The following RALYL variants were observed in gnomAD, a reference collection of about 807,000 sequenced individuals.
RALYL encodes the protein RALY RNA binding protein like.
A neutral mutation model predicts 35.1 loss-of-function variants in RALYL; 29 were observed. That is an observed-to-expected ratio of 0.83 (90% CI 0.61 to 1.13). RALYL has a LOEUF of 1.13. Ranked by LOEUF, RALYL falls within the 50% of genes most tolerant of loss-of-function variation. The pLI, the probability that RALYL is intolerant of heterozygous loss-of-function variation, is 0.00. For synonymous variants in RALYL, 120 were observed against 127.6 expected (o/e 0.94, Z 0.40); for missense variants, 359 against 360.4 (o/e 1.00, Z 0.03).
At chr8:84,813,283 C>A (rs1826335787) in intron 4 of RALYL, among the ~76,000 whole-genome samples, 1 of 152,174 alleles carries the variant, frequency 6.6e-6, no homozygotes, top group Admixed American at 6.5e-5. Context: ...CTGGGTCCTG[C>A]AGGAGCACTC....
intron 3 of RALYL, among the ~76,000 whole-genome samples, chr8:84,784,423 AT>A (rs1172833061): frequency 6.6e-6 from 1 of 152,186 alleles, no homozygotes; most frequent in Non-Finnish European, 1.5e-5. Context: ...AATGTGAATG[AT>A]TTTTTAAAGA....
intron 4 of RALYL, among the ~76,000 whole-genome samples, chr8:84,831,323 CGTG>C (rs1009788244): frequency 6.6e-6 from 1 of 151,952 alleles, no homozygotes; most frequent in Non-Finnish European, 1.5e-5. Flanking sequence ...TGAAGATAAT[CGTG>C]GAGAATTTTT....
intron 2 of RALYL, among the ~76,000 whole-genome samples, chr8:84,704,487 A>T (rs1043183877): frequency 6.7e-6 from 1 of 150,016 alleles, no homozygotes; most frequent in African/African-American, 2.5e-5. Context: ...ACACACAACA[A>T]CTCATTTATT....
At chr8:84,785,850 A>C (rs1309531535) in intron 3 of RALYL, among the ~76,000 whole-genome samples, 1 of 152,214 alleles carries the variant, frequency 6.6e-6, no homozygotes, top group East Asian at 1.9e-4. Flanking sequence ...AAGTTCTGGG[A>C]TACATGTACA....
At chr8:84,883,237 A>G (rs1468095939) in intron 7 of RALYL, among the ~76,000 whole-genome samples, 1 of 152,040 alleles carries the variant, frequency 6.6e-6, no homozygotes, top group Non-Finnish European at 1.5e-5. Context: ...TTTGCAATGA[A>G]CTGTATTAAT....
At chr8:84,438,538 G>A (rs1453085576) in intron 1 of RALYL, among the ~76,000 whole-genome samples, 1 of 151,956 alleles carries the variant, frequency 6.6e-6, no homozygotes, top group Admixed American at 6.6e-5. Flanking sequence ...ACAGGCATAG[G>A]CCATCTCAAT....
At chr8:84,322,718 A>G (rs1305884385) in intron 1 of RALYL, among the ~76,000 whole-genome samples, 1 of 152,000 alleles carries the variant, frequency 6.6e-6, no homozygotes, top group Non-Finnish European at 1.5e-5. Flanking sequence ...TTAGAGAGTG[A>G]CCAGTGCCTG....
intron 2 of RALYL, among the ~76,000 whole-genome samples, chr8:84,683,922 A>C (rs773349625): frequency 1.3e-5 from 2 of 151,872 alleles, no homozygotes; most frequent in Admixed American, 1.3e-4. Context: ...CCGATCAGGA[A>C]CTCTCGATCC....
At chr8:84,877,313 C>G (rs796553517) in intron 7 of RALYL, among the ~76,000 whole-genome samples, 1 of 151,912 alleles carries the variant, frequency 6.6e-6, no homozygotes, top group Non-Finnish European at 1.5e-5. Context: ...ATGGTGAAAC[C>G]CTGTCTCTAC....
At chr8:84,533,116 A>G (rs1472704551) in intron 2 of RALYL, among the ~76,000 whole-genome samples, 6 of 152,128 alleles carry the variant, frequency 3.9e-5, no homozygotes, top group Non-Finnish European at 7.4e-5. Context: ...AAATCCTCAT[A>G]AAACTTTACG....
At chr8:84,452,666 G>A (rs2133219089) in intron 1 of RALYL, among the ~76,000 whole-genome samples, 1 of 152,044 alleles carries the variant, frequency 6.6e-6, no homozygotes, top group African/African-American at 2.4e-5. Flanking sequence ...TTTTTAAAGA[G>A]TTAAGGAAAT....
At chr8:84,720,385 A>G (rs1843669388) in intron 2 of RALYL, among the ~76,000 whole-genome samples, 1 of 152,192 alleles carries the variant, frequency 6.6e-6, no homozygotes, top group South Asian at 2.1e-4. Flanking sequence ...CAAAAATGTC[A>G]AGAACATGTA....
chr8:84,685,789 G>C (rs1245967619), intron 2 of RALYL, among the ~76,000 whole-genome samples: 1 of 152,130 alleles, frequency 6.6e-6, no homozygotes, highest in Non-Finnish European at 1.5e-5. Flanking sequence ...TGTGTGAATA[G>C]TTAAGAAACA....
At chr8:84,738,652 C>A (rs1847751467) in intron 2 of RALYL, among the ~76,000 whole-genome samples, 1 of 151,982 alleles carries the variant, frequency 6.6e-6, no homozygotes, top group African/African-American at 2.4e-5. Context: ...TCAACATGAG[C>A]ATCATAGATA....
chr8:84,563,684 C>G (rs1188172638), intron 2 of RALYL, among the ~76,000 whole-genome samples: 3 of 151,512 alleles, frequency 2.0e-5, no homozygotes, highest in Non-Finnish European at 3.0e-5. Flanking sequence ...TTTCCTTACA[C>G]TGTGGTTAAA....
At chr8:84,534,349 T>A (rs866707669) in intron 2 of RALYL, among the ~76,000 whole-genome samples, 7 of 152,256 alleles carry the variant, frequency 4.6e-5, no homozygotes, top group Non-Finnish European at 8.8e-5. Flanking sequence ...ATTTCAGTAC[T>A]TTAGTGAAAC....
chr8:84,679,913 C>G (rs1439469719), intron 2 of RALYL: 6 of 327,468 alleles, frequency 1.8e-5, no homozygotes, highest in Non-Finnish European at 3.0e-5. Context: ...AGGTTTGTTA[C>G]ATGTATATAC....
At chr8:84,604,103 A>C (rs184920521) in intron 2 of RALYL, among the ~76,000 whole-genome samples, 270 of 152,234 alleles carry the variant, frequency 1.8e-3, no homozygotes, top group Non-Finnish European at 3.2e-3. Context: ...ACCAATTAAA[A>C]ATGAATGGAT....
At position 84,712,834 on chromosome 8, in the gene RALYL, T is replaced by C. The variant is rs185011279; in HGVS notation, c.257-61745T>C. 1.1e-4 allele frequency among the ~76,000 whole-genome samples: 16 copies of C among 152,288 alleles called. 1 individual carries two copies. The highest frequency in any genetic ancestry group is 9.2e-4 in the Admixed American group (14 of 15,274). On this transcript the variant is annotated intron_variant, in intron 2 of 8. Transcript: ENST00000521268. Reference sequence around the variant, plus strand: ...AACAAGACACTTAGGAAAATAAGATTGGTGTTAAATGAAGATATTAGTCTA... The same window carrying C: ...AACAAGACACTTAGGAAAATAAGATCGGTGTTAAATGAAGATATTAGTCTA...
Sources: allele counts gnomAD v4.1 joint callset (sites outside exome capture counted in the v4.1 genomes callset), GRCh38; gene constraint gnomAD v4.1.1; transcripts MANE v1.5; gene names NCBI Gene and HGNC (gene_info 2026-07-23, HGNC 2026-07-21).